Variants in KCNAB1 observed in about 807,000 individuals in gnomAD.
The protein encoded by KCNAB1 is potassium voltage-gated channel subfamily A regulatory beta subunit 1.
KCNAB1 carries 35 observed loss-of-function variants against 64.6 expected under a neutral mutation model. The observed-to-expected ratio is 0.54, with a 90% CI of 0.41 to 0.72. The LOEUF (loss-of-function observed/expected upper bound fraction) is 0.72. Among genes scored for constraint, KCNAB1 ranks in the 30% least tolerant of loss-of-function variants. The probability of loss-of-function intolerance (pLI) is 0.00; values close to 1 mark genes in which losing one functional copy is unlikely to be tolerated. For synonymous variants in KCNAB1, 177 were observed against 183.8 expected (o/e 0.96, Z 0.30); for missense variants, 401 against 512.9 (o/e 0.78, Z 2.11).
chr3:156,417,719 G>GAAAAAAAAAAAAA (rs200175870), intron 1 of KCNAB1, among the ~76,000 whole-genome samples: 15 of 130,260 alleles, frequency 1.2e-4, no homozygotes, highest in African/African-American at 4.3e-4. Flanking sequence ...TGCCTTAAAA[G>GAAAAAAAAAAAAA]AAAAAAAAAA....
chr3:156,339,799 G>C (rs988711865), intron 1 of KCNAB1, among the ~76,000 whole-genome samples: 1 of 152,138 alleles, frequency 6.6e-6, no homozygotes, highest in Non-Finnish European at 1.5e-5. Context: ...GTCTTCCAGG[G>C]ATAATGACCC....
intron 1 of KCNAB1, among the ~76,000 whole-genome samples, chr3:156,225,369 A>C (rs983573950): frequency 6.6e-6 from 1 of 152,224 alleles, no homozygotes; most frequent in Non-Finnish European, 1.5e-5. Flanking sequence ...AAAATCCAAC[A>C]TTGCTTTATG....
At chr3:156,234,350 A>T (rs551595014) in intron 1 of KCNAB1, among the ~76,000 whole-genome samples, 10 of 152,224 alleles carry the variant, frequency 6.6e-5, no homozygotes, top group Non-Finnish European at 1.3e-4. Context: ...TAAGAAGGAG[A>T]AGAGAGAACT....
At chr3:156,323,066 G>A (rs1293540957) in intron 1 of KCNAB1, among the ~76,000 whole-genome samples, 2 of 152,114 alleles carry the variant, frequency 1.3e-5, no homozygotes, top group South Asian at 4.1e-4. Flanking sequence ...ACTAGCATCC[G>A]CTTGGTGCAC....
At chr3:156,495,222 A>G (rs934883077) in intron 8 of KCNAB1, among the ~76,000 whole-genome samples, 3 of 152,116 alleles carry the variant, frequency 2.0e-5, no homozygotes, top group African/African-American at 7.2e-5. Flanking sequence ...TTGTGGCTGT[A>G]TAGTATTCCA....
chr3:156,128,287 C>G (rs1713784767), intron 1 of KCNAB1, among the ~76,000 whole-genome samples: 1 of 152,122 alleles, frequency 6.6e-6, no homozygotes, highest in African/African-American at 2.4e-5. Context: ...ATGACATAAA[C>G]CTGACCAAAG....
intron 1 of KCNAB1, among the ~76,000 whole-genome samples, chr3:156,137,329 G>A (rs1241096829): frequency 1.3e-5 from 2 of 152,058 alleles, no homozygotes; most frequent in Admixed American, 1.3e-4. Context: ...TTTGGGTCTA[G>A]GGAGAAGGAG....
chr3:156,121,137 A>G (rs954369585), intron 1 of KCNAB1, among the ~76,000 whole-genome samples: 1 of 152,250 alleles, frequency 6.6e-6, no homozygotes, highest in Non-Finnish European at 1.5e-5. Context: ...CTGACAGGAC[A>G]AAAGAGCATT....
intron 1 of KCNAB1, among the ~76,000 whole-genome samples, chr3:156,166,083 A>C (rs1711546890): frequency 6.6e-6 from 1 of 152,214 alleles, no homozygotes; most frequent in African/African-American, 2.4e-5. Flanking sequence ...GAACATTTGT[A>C]TATTACAAGA....
At chr3:156,407,248 G>A (rs574542819) in intron 1 of KCNAB1, among the ~76,000 whole-genome samples, 1 of 152,102 alleles carries the variant, frequency 6.6e-6, no homozygotes, top group South Asian at 2.1e-4. Flanking sequence ...CTACCTCAGG[G>A]TCATGTTATC....
intron 1 of KCNAB1, among the ~76,000 whole-genome samples, chr3:156,391,544 A>G (rs576695824): frequency 6.6e-6 from 1 of 152,318 alleles, no homozygotes; most frequent in East Asian, 1.9e-4. Context: ...TCATTTATTT[A>G]TCTCCACTGA....
At chr3:156,357,169 A>ACG (rs981232993) in intron 1 of KCNAB1, among the ~76,000 whole-genome samples, 1 of 151,922 alleles carries the variant, frequency 6.6e-6, no homozygotes, top group Non-Finnish European at 1.5e-5. Context: ...GCACACACAC[A>ACG]CACACACACA....
chr3:156,386,265 C>T (rs1560231512), intron 1 of KCNAB1, among the ~76,000 whole-genome samples: 1 of 152,180 alleles, frequency 6.6e-6, no homozygotes, highest in African/African-American at 2.4e-5. Flanking sequence ...ATACGCTGGC[C>T]CCTTTTCCAT....
At chr3:156,476,578 C>CAT (rs778670781) in intron 8 of KCNAB1, among the ~76,000 whole-genome samples, 1 of 120,912 alleles carries the variant, frequency 8.3e-6, no homozygotes, top group Non-Finnish European at 1.8e-5. Context: ...CACACACACA[C>CAT]ATATATACAC....
At chr3:156,171,184 C>T (rs1238426253) in intron 1 of KCNAB1, among the ~76,000 whole-genome samples, 1 of 124,134 alleles carries the variant, frequency 8.1e-6, no homozygotes, top group African/African-American at 3.1e-5. Context: ...TTAGAAACTT[C>T]ACGCACACAT....
At chr3:156,483,261 C>A (rs1384573065) in intron 8 of KCNAB1, among the ~76,000 whole-genome samples, 2 of 152,142 alleles carry the variant, frequency 1.3e-5, no homozygotes, top group African/African-American at 4.8e-5. Context: ...TGGCCATGAC[C>A]TGTAGCTCAT....
At position 156,536,415 on chromosome 3, in the gene KCNAB1, A is replaced by T. The variant is rs1301014608; in HGVS notation, c.1171-243A>T. On this transcript the variant is annotated intron_variant, in intron 13 of 13. Transcript: ENST00000490337. ...CTTGCATTATATTTCTGTTGGATAG[A>T]GCTGCTCTGTATTTCTATGAGCCTT... 3 of 421,700 alleles carry T rather than the reference A, an allele frequency of 7.1e-6. No individual in the cohort carries two copies. The East Asian group carries it at 1.2e-4, about 16-fold the overall frequency. The allele number at this position is 421,700 out of a possible 1,614,324, so 26.1% of individuals were successfully genotyped here. A position where few individuals can be genotyped will look rare whatever the true frequency, so the allele number is the denominator to read the frequency against.
chr3:156,372,750 A>G (rs993712197), intron 1 of KCNAB1, among the ~76,000 whole-genome samples: 8 of 152,236 alleles, frequency 5.3e-5, no homozygotes, highest in African/African-American at 1.9e-4. Context: ...TCAGAGATAA[A>G]TTGGAAATTT....
chr3:156,421,469 G>C (rs544989812), intron 1 of KCNAB1, 147 bp from the exon 2 acceptor site: 39 of 726,674 alleles, frequency 5.4e-5, no homozygotes, highest in Admixed American at 9.6e-5. Flanking sequence ...AGGGAGACCT[G>C]TCTCAAGACA....
Sources: allele counts gnomAD v4.1 joint callset (sites outside exome capture counted in the v4.1 genomes callset), GRCh38; gene constraint gnomAD v4.1.1; transcripts MANE v1.5; gene names NCBI Gene and HGNC (gene_info 2026-07-23, HGNC 2026-07-21).